The following GBE1 variants were observed in gnomAD, a reference collection of about 807,000 sequenced individuals.
GBE1 encodes 1,4-alpha-glucan-branching enzyme.
In GBE1, 70 loss-of-function variants were observed where a neutral mutation model predicts 88.8. The ratio of observed to expected loss-of-function variants is 0.79; its 90% confidence interval spans 0.65 to 0.96. GBE1 has a LOEUF of 0.96. Ranked by LOEUF, GBE1 falls within the 40% of genes least tolerant of loss-of-function variation. GBE1 has a pLI of 0.00. For synonymous variants in GBE1, 284 were observed against 300.1 expected (o/e 0.95, Z 0.56); for missense variants, 872 against 871.0 (o/e 1.00, Z -0.01).
intron 3 of GBE1, among the ~76,000 whole-genome samples, chr3:81,666,665 T>C (rs1158677435): frequency 6.6e-6 from 1 of 152,188 alleles, no homozygotes; most frequent in Admixed American, 6.5e-5. Flanking sequence ...AAGAACAATT[T>C]AAACTCAACC....
intron 1 of GBE1, among the ~76,000 whole-genome samples, chr3:81,745,010 T>A (rs1056442517): frequency 6.6e-6 from 1 of 152,206 alleles, no homozygotes; most frequent in African/African-American, 2.4e-5. Flanking sequence ...TGTATTACAC[T>A]GAACTTTGTG....
intron 12 of GBE1, among the ~76,000 whole-genome samples, chr3:81,557,125 G>A (rs962554168): frequency 6.6e-6 from 1 of 152,006 alleles, no homozygotes; most frequent in Non-Finnish European, 1.5e-5. Context: ...AAGCAGCCAG[G>A]ATCAGAATGT....
chr3:81,679,241 G>C (rs1357524890), intron 2 of GBE1, among the ~76,000 whole-genome samples: 3 of 152,144 alleles, frequency 2.0e-5, no homozygotes, highest in Non-Finnish European at 1.5e-5. Flanking sequence ...TATAAAAAGT[G>C]ATATTATAAA....
At chr3:81,737,313 A>T (rs1393469309) in intron 1 of GBE1, among the ~76,000 whole-genome samples, 6 of 113,670 alleles carry the variant, frequency 5.3e-5, no homozygotes, top group African/African-American at 1.2e-4. Flanking sequence ...ATATATATTT[A>T]TATATATTTA....
chr3:81,599,713 T>C (rs1471170189), intron 7 of GBE1, among the ~76,000 whole-genome samples: 1 of 152,116 alleles, frequency 6.6e-6, no homozygotes, highest in African/African-American at 2.4e-5. Flanking sequence ...CAGACATAGG[T>C]ATATACACAC....
chr3:81,703,006 G>C (rs1440544865), intron 2 of GBE1, among the ~76,000 whole-genome samples: 1 of 151,752 alleles, frequency 6.6e-6, no homozygotes, highest in Non-Finnish European at 1.5e-5. Context: ...ATGGGGGTGG[G>C]GGAACCAAAT....
chr3:81,645,558 A>G (rs1227181209), intron 6 of GBE1, among the ~76,000 whole-genome samples: 1 of 152,148 alleles, frequency 6.6e-6, no homozygotes, highest in Admixed American at 6.5e-5. Context: ...GGATTTGGAG[A>G]CAGTATTATA....
chr3:81,563,891 G>A (rs1024352062), intron 12 of GBE1, among the ~76,000 whole-genome samples: 5 of 140,994 alleles, frequency 3.5e-5, no homozygotes, highest in Non-Finnish European at 6.2e-5. Context: ...TTCAGGGAGG[G>A]AGAGACGGAG....
At chr3:81,600,873 G>C (rs1350358439) in intron 7 of GBE1, among the ~76,000 whole-genome samples, 1 of 151,942 alleles carries the variant, frequency 6.6e-6, no homozygotes, top group Non-Finnish European at 1.5e-5. Context: ...TGAAAATATA[G>C]AGGCACCTAG....
intron 14 of GBE1, among the ~76,000 whole-genome samples, chr3:81,532,432 TCAAA>T (rs1703022592): frequency 1.3e-5 from 2 of 152,082 alleles, no homozygotes; most frequent in Non-Finnish European, 2.9e-5. Flanking sequence ...TACTCCATGT[TCAAA>T]CAGATTCTGA....
At chr3:81,713,173 G>A (rs1394455605) in intron 1 of GBE1, among the ~76,000 whole-genome samples, 1 of 152,216 alleles carries the variant, frequency 6.6e-6, no homozygotes, top group Non-Finnish European at 1.5e-5. Context: ...ACAGAAGAAT[G>A]AGCAAGACCA....
intron 7 of GBE1, among the ~76,000 whole-genome samples, chr3:81,618,009 A>C (rs1290309487): frequency 6.6e-6 from 1 of 152,032 alleles, no homozygotes; most frequent in East Asian, 1.9e-4. Context: ...AGTTATTCCT[A>C]GTATCCTTTT....
chr3:81,653,806 G>T (rs1704888462), intron 3 of GBE1, among the ~76,000 whole-genome samples: 1 of 152,000 alleles, frequency 6.6e-6, no homozygotes, highest in African/African-American at 2.4e-5. Context: ...TATCAATATG[G>T]TTACCTATGG....
At position 81,535,283 on chromosome 3, in the gene GBE1, A is replaced by G; in HGVS notation, c.1846T>C (p.Phe616Leu). ...ATGAAAAGAAGACCTGCTCTTTCAA[A>G]AGCAATGATCTTATTGCCTTCATGT... Reference protein sequence around the residue: ...EKHEGNKIIAFERAGLLFIFN... With the variant: ...EKHEGNKIIALERAGLLFIFN... Residue 616 changes from phenylalanine to leucine, a missense_variant, in exon 14 of 16, where the codon TTT becomes CTT. Phe to Leu is a conservative substitution (Grantham distance 22). Coordinates refer to ENST00000429644, the MANE Select transcript of GBE1 (RefSeq NM_000158.4). 6.2e-7 allele frequency: 1 copy of G among 1,611,404 alleles called. No homozygotes were observed. The highest frequency in any genetic ancestry group is 1.1e-5 in the South Asian group (1 of 90,858).
chr3:81,698,584 T>A (rs1705638204), intron 2 of GBE1, among the ~76,000 whole-genome samples: 1 of 152,228 alleles, frequency 6.6e-6, no homozygotes, highest in South Asian at 2.1e-4. Context: ...CAATATTCAA[T>A]AACTTTCTTT....
At chr3:81,519,971 T>C (rs926114316) in intron 14 of GBE1, among the ~76,000 whole-genome samples, 2 of 151,520 alleles carry the variant, frequency 1.3e-5, no homozygotes, top group African/African-American at 2.4e-5. Flanking sequence ...AATACCACCA[T>C]TGCTACCACC....
chr3:81,689,916 A>G (rs1483600048), intron 2 of GBE1, among the ~76,000 whole-genome samples: 1 of 152,110 alleles, frequency 6.6e-6, no homozygotes, highest in Non-Finnish European at 1.5e-5. Context: ...TTTGTGGAGG[A>G]TCCCTATTTC....
At chr3:81,676,500 C>T (rs10084705) in intron 2 of GBE1, among the ~76,000 whole-genome samples, 39,758 of 151,666 alleles carry the variant, frequency 0.26, 6,539 homozygotes, top group African/African-American at 0.46. Context: ...AGGAATCACT[C>T]GGCAATTAAT....
intron 12 of GBE1, among the ~76,000 whole-genome samples, chr3:81,565,971 C>T (rs1281826998): frequency 2.0e-5 from 3 of 152,128 alleles, no homozygotes; most frequent in Non-Finnish European, 4.4e-5. Context: ...ACTTTATTTA[C>T]TGATGAAAAT....
Sources: allele counts gnomAD v4.1 joint callset (sites outside exome capture counted in the v4.1 genomes callset), GRCh38; gene constraint gnomAD v4.1.1; transcripts MANE v1.5; gene names NCBI Gene and HGNC (gene_info 2026-07-23, HGNC 2026-07-21).